The following ADCK1 variants were observed in gnomAD, a reference collection of about 807,000 sequenced individuals.
The protein encoded by ADCK1 is aarF domain-containing protein kinase 1.
ADCK1 carries 41 observed loss-of-function variants against 52.3 expected under a neutral mutation model. That is an observed-to-expected ratio of 0.78 (90% confidence interval 0.61 to 1.02). The LOEUF is 1.02. Among genes scored for constraint, ADCK1 ranks in the 50% least tolerant of loss-of-function variants. The probability of loss-of-function intolerance (pLI) is 0.00; values close to 1 mark genes in which losing one functional copy is unlikely to be tolerated. For missense variants in ADCK1, 658 were observed against 679.5 expected (o/e 0.97, Z 0.35); for synonymous variants, 250 against 274.6 (o/e 0.91, Z 0.89).
chr14:77,804,914 T>C (rs1422456807), intron 1 of ADCK1, among the ~76,000 whole-genome samples: 1 of 152,132 alleles, frequency 6.6e-6, no homozygotes, highest in African/African-American at 2.4e-5. Flanking sequence ...TGTTATAGAA[T>C]GCAAAGCCAA....
chr14:77,852,669 A>ATATATATATAT (rs2082315976), intron 3 of ADCK1, among the ~76,000 whole-genome samples: 2 of 9,408 alleles, frequency 2.1e-4, no homozygotes, highest in African/African-American at 4.3e-4. Context: ...AAATATATAT[A>ATATATATATAT]TATATATATA....
intron 10 of ADCK1, among the ~76,000 whole-genome samples, chr14:77,932,428 A>G (rs1021337250): frequency 5.3e-5 from 8 of 152,148 alleles, no homozygotes; most frequent in African/African-American, 1.9e-4. Context: ...CTAGTTCCAG[A>G]GGAAAGAGGG....
chr14:77,882,691 A>G (rs1035182951), intron 4 of ADCK1, among the ~76,000 whole-genome samples: 3 of 151,628 alleles, frequency 2.0e-5, no homozygotes, highest in Non-Finnish European at 4.4e-5. Flanking sequence ...TGGTTTCTCT[A>G]GAAGATCCTG....
In ADCK1 at chr14:77,881,821, G is replaced by A. The variant is rs527737385; in HGVS notation, c.424-5270G>A. On this transcript the variant is annotated intron_variant, in intron 4 of 10. Coordinates refer to ENST00000238561, the MANE Select transcript of ADCK1 (RefSeq NM_020421.4). The stretch of plus-strand genomic sequence containing the variant: ...GTGAACATATTTTAAAGCTATCACC[G>A]GGAAATGAGTGTGCTTGTGCCACTT... Among the ~76,000 whole-genome samples, 82 of 152,292 alleles carry A rather than the reference G, an allele frequency of 5.4e-4. 1 individual carries two copies. In the South Asian group the frequency reaches 0.012, roughly 22 times the overall value.
At chr14:77,895,719 A>G (rs17106556) in intron 5 of ADCK1, among the ~76,000 whole-genome samples, 11,397 of 152,268 alleles carry the variant, frequency 0.075, 543 homozygotes, top group South Asian at 0.16. Flanking sequence ...AGAAAAGTCT[A>G]AAATGGCAGC....
intron 4 of ADCK1, among the ~76,000 whole-genome samples, chr14:77,886,623 T>A (rs188733199): frequency 6.6e-6 from 1 of 152,140 alleles, no homozygotes; most frequent in East Asian, 1.9e-4. Context: ...ACACAACTGA[T>A]AAAGCAAAAA....
At chr14:77,849,487 G>T (rs1268944142) in intron 3 of ADCK1, among the ~76,000 whole-genome samples, 2 of 152,048 alleles carry the variant, frequency 1.3e-5, no homozygotes, top group African/African-American at 4.8e-5. Context: ...TGTTGCTGAG[G>T]CTGGAGTGCA....
chr14:77,875,690 C>G (rs1029089577), intron 4 of ADCK1, among the ~76,000 whole-genome samples: 2 of 152,122 alleles, frequency 1.3e-5, no homozygotes, highest in African/African-American at 4.8e-5. Flanking sequence ...CTGTTGCCTG[C>G]ACGTGAGCGG....
chr14:77,804,714 C>A (rs566468218), intron 1 of ADCK1, among the ~76,000 whole-genome samples: 4 of 152,284 alleles, frequency 2.6e-5, no homozygotes, highest in East Asian at 3.9e-4. Flanking sequence ...AGGTCTCAGG[C>A]CTCACTGGCT....
intron 10 of ADCK1, 41 bp downstream of exon 10, chr14:77,931,752 T>C: frequency 6.3e-7 from 1 of 1,578,428 alleles, no homozygotes; most frequent in Non-Finnish European, 8.6e-7. Flanking sequence ...CCTAGCCCCC[T>C]GGCCTGCCCC....
intron 4 of ADCK1, among the ~76,000 whole-genome samples, chr14:77,861,423 C>T (rs984743030): frequency 2.0e-5 from 3 of 151,678 alleles, no homozygotes; most frequent in African/African-American, 4.8e-5. Flanking sequence ...GGTGTGAGGG[C>T]GGGGTAATGT....
intron 3 of ADCK1, among the ~76,000 whole-genome samples, chr14:77,850,557 C>T (rs2082260871): frequency 6.6e-6 from 1 of 151,712 alleles, no homozygotes; most frequent in African/African-American, 2.4e-5. Context: ...TTTTCTTTAT[C>T]CCTGATAATA....
intron 3 of ADCK1, among the ~76,000 whole-genome samples, chr14:77,854,614 T>C (rs181112502): frequency 3.2e-3 from 482 of 148,916 alleles, no homozygotes; most frequent in Admixed American, 6.2e-3. Context: ...TGGAGTGTAG[T>C]GGTGTGATCT....
At chr14:77,921,105 TC>T (rs2084039889) in intron 7 of ADCK1, among the ~76,000 whole-genome samples, 2 of 151,436 alleles carry the variant, frequency 1.3e-5, no homozygotes, top group Non-Finnish European at 2.9e-5. Flanking sequence ...GGAGGGCAGA[TC>T]AAGAGGTCAG....
At chr14:77,841,282 G>A (rs1357590065) in intron 3 of ADCK1, among the ~76,000 whole-genome samples, 1 of 152,096 alleles carries the variant, frequency 6.6e-6, no homozygotes, top group African/African-American at 2.4e-5. Flanking sequence ...AAAATGAGAC[G>A]AGAGAGACTG....
At chr14:77,912,000 C>T (rs1014536865) in intron 7 of ADCK1, among the ~76,000 whole-genome samples, 7 of 152,166 alleles carry the variant, frequency 4.6e-5, no homozygotes, top group African/African-American at 1.2e-4. Context: ...TCTCACGTCC[C>T]TCCCGGAGCT....
chr14:77,847,886 T>G (rs530045329), intron 3 of ADCK1, among the ~76,000 whole-genome samples: 27 of 152,314 alleles, frequency 1.8e-4, no homozygotes, highest in Non-Finnish European at 3.7e-4. Context: ...TCTGGCTTAC[T>G]GGAACAGTTC....
intron 7 of ADCK1, among the ~76,000 whole-genome samples, chr14:77,911,225 G>A (rs2083783995): frequency 2.0e-5 from 3 of 152,204 alleles, no homozygotes; most frequent in Admixed American, 2.0e-4. Context: ...CACACAGCTA[G>A]CAGGGGTAGA....
At chr14:77,924,268 C>T (rs2084130457) in intron 7 of ADCK1, 189 bp from the exon 8 acceptor site, 2 of 675,228 alleles carry the variant, frequency 3.0e-6, no homozygotes, top group Admixed American at 3.1e-5. Flanking sequence ...TTCTAAGGTG[C>T]AGCTAAAGTT....
Sources: allele counts gnomAD v4.1 joint callset (sites outside exome capture counted in the v4.1 genomes callset), GRCh38; gene constraint gnomAD v4.1.1; transcripts MANE v1.5; gene names NCBI Gene and HGNC (gene_info 2026-07-23, HGNC 2026-07-21).